The following PCDH9 variants were observed in gnomAD, a reference collection of about 807,000 sequenced individuals.
PCDH9 encodes the protein protocadherin 9.
In PCDH9, 24 loss-of-function variants were observed where a neutral mutation model predicts 70.6. The observed-to-expected ratio is 0.34, with a 90% CI of 0.25 to 0.48. The LOEUF (loss-of-function observed/expected upper bound fraction) is 0.48, where lower values mean the gene tolerates loss of function less well. Ranked by LOEUF, PCDH9 falls within the 20% of genes least tolerant of loss-of-function variation. The pLI is 0.99. For missense variants in PCDH9, 1,281 were observed against 1,503.6 expected, an observed-to-expected ratio of 0.85 and a Z score of 2.45; for synonymous variants, 562 against 558.5, an observed-to-expected ratio of 1.01 and a Z score of -0.09.
intron 2 of PCDH9, among the ~76,000 whole-genome samples, chr13:67,114,194 TTCTC>T (rs1179311155): frequency 1.3e-5 from 2 of 152,340 alleles, no homozygotes; most frequent in East Asian, 1.9e-4. Flanking sequence ...TTTTTAAAAT[TTCTC>T]TCCTAAGTAG....
At chr13:67,093,975 G>T (rs951422720) in intron 2 of PCDH9, among the ~76,000 whole-genome samples, 1 of 152,148 alleles carries the variant, frequency 6.6e-6, no homozygotes, top group African/African-American at 2.4e-5. Flanking sequence ...AGTAGAACAA[G>T]AATTTTCTAC....
At chr13:67,143,690 T>A (rs2087451861) in intron 2 of PCDH9, among the ~76,000 whole-genome samples, 1 of 152,012 alleles carries the variant, frequency 6.6e-6, no homozygotes, top group Admixed American at 6.6e-5. Context: ...GTCACAAAAA[T>A]CTAGAAAGAA....
chr13:66,448,026 A>C (rs1363597616), intron 4 of PCDH9, among the ~76,000 whole-genome samples: 1 of 152,094 alleles, frequency 6.6e-6, no homozygotes, highest in Non-Finnish European at 1.5e-5. Flanking sequence ...TCACACTGTA[A>C]TTAGTTCCTA....
intron 4 of PCDH9, among the ~76,000 whole-genome samples, chr13:66,309,184 A>T (rs1369927726): frequency 6.6e-6 from 1 of 152,082 alleles, no homozygotes; most frequent in African/African-American, 2.4e-5. Flanking sequence ...TTGCTGTGAT[A>T]TTAAGGAGAA....
At chr13:66,910,849 C>T (rs1398108395) in intron 2 of PCDH9, among the ~76,000 whole-genome samples, 2 of 152,114 alleles carry the variant, frequency 1.3e-5, no homozygotes, top group East Asian at 3.9e-4. Context: ...ATCTTGGTTA[C>T]TATAAAGTTT....
intron 2 of PCDH9, among the ~76,000 whole-genome samples, chr13:67,047,028 T>C (rs890484896): frequency 3.3e-5 from 5 of 152,294 alleles, no homozygotes; most frequent in Admixed American, 3.3e-4. Flanking sequence ...TATGCCTGCA[T>C]AGTAAGAACA....
At chr13:66,600,438 CTG>C (rs1469272759) in intron 4 of PCDH9, among the ~76,000 whole-genome samples, 6 of 151,858 alleles carry the variant, frequency 4.0e-5, no homozygotes, top group African/African-American at 1.4e-4. Context: ...TTTTCATTGA[CTG>C]TTTTTCTTGT....
intron 2 of PCDH9, among the ~76,000 whole-genome samples, chr13:67,151,888 G>A (rs2087671794): frequency 6.6e-6 from 1 of 151,942 alleles, no homozygotes; most frequent in Non-Finnish European, 1.5e-5. Context: ...AAGCTCAAAT[G>A]CACTCAGGGT....
At chr13:66,616,484 C>CTTTTTTTT (rs60587237) in intron 4 of PCDH9, among the ~76,000 whole-genome samples, 2 of 116,666 alleles carry the variant, frequency 1.7e-5, no homozygotes, top group Non-Finnish European at 3.4e-5. Flanking sequence ...TTCTAAAATT[C>CTTTTTTTT]TTTTTTTTTT....
Position 66,789,283 on chromosome 13 carries a change from C to A in PCDH9, c.3138+114221G>T, listed in dbSNP as rs78813254. 2.6e-4 allele frequency among the ~76,000 whole-genome samples: 39 copies of A among 152,234 alleles called. No individual in the cohort carries two copies. In the East Asian group the frequency reaches 7.5e-3, roughly 29 times the overall value. On this transcript the variant is annotated intron_variant, in intron 3 of 4. Transcript: ENST00000377865. ...TTGACTTCATAGCCTAGGCTCTTAA[C>A]CAGCACCCTTTCACCTCAAGGCAAT...
intron 4 of PCDH9, among the ~76,000 whole-genome samples, chr13:66,342,718 T>C (rs2138148741): frequency 6.6e-6 from 1 of 152,262 alleles, no homozygotes; most frequent in Middle Eastern, 3.4e-3. Context: ...TGAGCGATTC[T>C]CCCTTCTCAG....
chr13:66,822,132 A>AAG (rs762728877), intron 3 of PCDH9, among the ~76,000 whole-genome samples: 5 of 53,276 alleles, frequency 9.4e-5, no homozygotes, highest in Admixed American at 8.5e-4. Context: ...CCCATCACAC[A>AAG]CGCGCACACA....
chr13:66,870,831 G>A (rs908068667), intron 3 of PCDH9, among the ~76,000 whole-genome samples: 2 of 152,206 alleles, frequency 1.3e-5, no homozygotes, highest in Admixed American at 6.5e-5. Context: ...TCAGTGTGGT[G>A]ATTCCTCAGG....
chr13:66,310,240 G>A (rs1022610127), intron 4 of PCDH9, among the ~76,000 whole-genome samples: 2 of 151,946 alleles, frequency 1.3e-5, no homozygotes, highest in African/African-American at 2.4e-5. Context: ...AGTTGTTTCA[G>A]TTAATATTTA....
chr13:66,538,885 A>G (rs1489546038), intron 4 of PCDH9, among the ~76,000 whole-genome samples: 5 of 152,078 alleles, frequency 3.3e-5, no homozygotes, highest in Admixed American at 2.6e-4. Flanking sequence ...TATTTGACGG[A>G]AGATTATTCT....
chr13:66,646,581 C>T (rs1208326883), intron 3 of PCDH9, among the ~76,000 whole-genome samples: 8 of 152,074 alleles, frequency 5.3e-5, no homozygotes, highest in African/African-American at 1.7e-4. Flanking sequence ...CTTCATTTTT[C>T]TTAACATGAA....
At chr13:67,115,329 T>G (rs185016080) in intron 2 of PCDH9, among the ~76,000 whole-genome samples, 1 of 152,314 alleles carries the variant, frequency 6.6e-6, no homozygotes, top group Admixed American at 6.5e-5. Context: ...GCCTCGCACC[T>G]TGAGCCAGCT....
chr13:67,161,012 C>A (rs779472366), intron 2 of PCDH9, among the ~76,000 whole-genome samples: 3 of 152,132 alleles, frequency 2.0e-5, no homozygotes, highest in Non-Finnish European at 4.4e-5. Flanking sequence ...GTGATAAATG[C>A]AGTAGGTAGA....
intron 4 of PCDH9, among the ~76,000 whole-genome samples, chr13:66,444,401 T>G (rs745454510): frequency 7.6e-4 from 115 of 152,248 alleles, no homozygotes; most frequent in Non-Finnish European, 1.2e-3. Context: ...AACTTTTACA[T>G]AGTGTAGCTC....
Sources: allele counts gnomAD v4.1 joint callset (sites outside exome capture counted in the v4.1 genomes callset), GRCh38; gene constraint gnomAD v4.1.1; transcripts MANE v1.5; gene names NCBI Gene and HGNC (gene_info 2026-07-23, HGNC 2026-07-21).